Variants in GALNT11 observed in about 807,000 individuals in gnomAD.
GALNT11 encodes UDP-GalNAc:polypeptide N-acetylgalactosaminyltransferase 11.
GALNT11 carries 47 observed loss-of-function variants against 72.7 expected under a neutral mutation model. The observed-to-expected ratio is 0.65, with a 90% confidence interval of 0.51 to 0.82. GALNT11 has a LOEUF of 0.82. Among genes scored for constraint, GALNT11 ranks in the 40% least tolerant of loss-of-function variants. GALNT11 has a pLI of 0.00. For synonymous variants in GALNT11, 270 were observed against 286.6 expected, an observed-to-expected ratio of 0.94 and a Z score of 0.58; for missense variants, 677 against 778.4, an observed-to-expected ratio of 0.87 and a Z score of 1.55.
chr7:152,075,441 T>C (rs1244036321), intron 1 of GALNT11, among the ~76,000 whole-genome samples: 1 of 152,228 alleles, frequency 6.6e-6, no homozygotes, highest in East Asian at 1.9e-4. Context: ...ACCTTTCTTA[T>C]GTATCACCGG....
rs2089452263 is a variant in GALNT11, at chr7:152,121,761, T to G, written c.*84T>G. 6.6e-7 allele frequency: 1 copy of G among 1,524,078 alleles called. No individual in the cohort carries two copies. The highest frequency in any genetic ancestry group is 2.1e-4 in the Middle Eastern group (1 of 4,812). The allele number at this position is 1,524,078 out of a possible 1,614,324, so 94.4% of individuals were successfully genotyped here. A position where few individuals can be genotyped will look rare whatever the true frequency, so the allele number is the denominator to read the frequency against. ...GGGCTTTAGGAAAGCCTGGGTTGGGTGGAGCAGAACCATCTTGGAGAAGAT... is the reference window on the plus strand; with the variant it reads ...GGGCTTTAGGAAAGCCTGGGTTGGGGGGAGCAGAACCATCTTGGAGAAGAT... On this transcript the variant is annotated 3_prime_UTR_variant, in exon 12 of 12. Transcript: ENST00000430044.
rs2086212889 is a variant in GALNT11, at chr7:152,094,048, T to C, written c.-38-142T>C. ...AACCCTTTTTAAAAACTCAGTACTA[T>C]CCATACATCTTCTTGTATTTGAATA... is the stretch of plus-strand genomic sequence containing the variant. On this transcript the variant is annotated intron_variant, in intron 1 of 11. Coordinates refer to ENST00000430044, the MANE Select transcript of GALNT11 (RefSeq NM_022087.4). This position sits in a 1 kb window ranked among gnomAD's most constrained non-coding sequence, Gnocchi z 4.3. The C allele has an allele frequency of 2.9e-6, 2 of 701,604 alleles. No individual in the cohort carries two copies. Among genetic ancestry groups the C allele is most frequent in the Non-Finnish European group, 4.6e-6 (2 of 432,164 alleles). 43.5% of individuals were successfully genotyped at this position (701,604 alleles called of 1,614,324 possible). A position where few individuals can be genotyped will look rare whatever the true frequency, so the allele number is the denominator to read the frequency against.
chr7:152,115,031 G>A (rs1378809057), intron 8 of GALNT11, among the ~76,000 whole-genome samples: 2 of 152,066 alleles, frequency 1.3e-5, no homozygotes, highest in African/African-American at 4.8e-5. Context: ...GGGGCAGTAG[G>A]GACTCCACAG....
At chr7:152,105,749 T>C (rs1033815226) in intron 5 of GALNT11, among the ~76,000 whole-genome samples, 3 of 152,354 alleles carry the variant, frequency 2.0e-5, no homozygotes, top group Admixed American at 6.5e-5. Context: ...AAACTGTCGA[T>C]TGGAACTATG....
intron 1 of GALNT11, among the ~76,000 whole-genome samples, chr7:152,043,743 G>A (rs1255552005): frequency 6.6e-6 from 1 of 152,112 alleles, no homozygotes. Context: ...AATAATGAGG[G>A]GGTACAGAAG....
At chr7:152,032,296 A>C (rs1286583365) in intron 1 of GALNT11, among the ~76,000 whole-genome samples, 1 of 152,182 alleles carries the variant, frequency 6.6e-6, no homozygotes, top group Non-Finnish European at 1.5e-5. Flanking sequence ...GGTCTGTGGG[A>C]TCCTCAAAGG....
Position 152,094,429 on chromosome 7 carries a change from G to A in GALNT11, c.202G>A (p.Glu68Lys), listed in dbSNP as rs746809374. ...RFTRGPSRVL[E>K]PQFKANKIDD... ...CACTCGAGGCCCAAGTCGAGTGCTC[G>A]AGCCACAGTTCAAAGCAAACAAAAT... The change falls in exon 2 of 12, where the codon GAG becomes AAG. Residue 68 changes from glutamate to lysine, a missense_variant. Glu to Lys is a moderately conservative substitution (Grantham distance 56). Transcript: ENST00000430044. This position sits in a 1 kb window ranked among gnomAD's most constrained non-coding sequence, Gnocchi z 4.3. 2.5e-5 allele frequency: 40 copies of A among 1,613,998 alleles called. No individual in the cohort carries two copies. The highest frequency in any genetic ancestry group is 3.2e-5 in the Non-Finnish European group (38 of 1,180,030).
At chr7:152,049,122 G>A (rs1316597184) in intron 1 of GALNT11, among the ~76,000 whole-genome samples, 9 of 152,038 alleles carry the variant, frequency 5.9e-5, no homozygotes, top group Non-Finnish European at 1.2e-4. Flanking sequence ...ATTGGTTGCT[G>A]ATGCCTTATT....
At chr7:152,074,035 G>A (rs1305598656) in intron 1 of GALNT11, among the ~76,000 whole-genome samples, 1 of 151,792 alleles carries the variant, frequency 6.6e-6, no homozygotes, top group African/African-American at 2.4e-5. Context: ...GTTTATTCTG[G>A]GTATTAATCC....
intron 2 of GALNT11, among the ~76,000 whole-genome samples, chr7:152,098,434 AAAT>A (rs2086536421): frequency 6.6e-6 from 1 of 151,946 alleles, no homozygotes; most frequent in East Asian, 1.9e-4. Context: ...CAAAAAAAAT[AAAT>A]AAATAAATAA....
At chr7:152,039,614 A>T (rs926101728) in intron 1 of GALNT11, among the ~76,000 whole-genome samples, 2 of 152,028 alleles carry the variant, frequency 1.3e-5, no homozygotes, top group African/African-American at 4.8e-5. Flanking sequence ...GTTGCTCATG[A>T]CAGTTGGCAT....
At chr7:152,048,791 T>A (rs1482724382) in intron 1 of GALNT11, among the ~76,000 whole-genome samples, 1 of 151,804 alleles carries the variant, frequency 6.6e-6, no homozygotes, top group Non-Finnish European at 1.5e-5. Context: ...GTTTTCTAGA[T>A]CTTGTAGGTG....
chr7:152,111,628 G>GTATATATA (rs139640614), intron 7 of GALNT11, among the ~76,000 whole-genome samples: 48 of 144,868 alleles, frequency 3.3e-4, no homozygotes, highest in African/African-American at 1.2e-3. Context: ...GTGTGTGTGT[G>GTATATATA]TATATATATA....
In GALNT11 at chr7:152,118,672, T is replaced by G. The variant is rs772136717; in HGVS notation, c.1453-6T>G. The G allele has an allele frequency of 3.9e-5, 62 of 1,607,578 alleles. No individual in the cohort carries two copies. The highest frequency in any genetic ancestry group is 5.1e-5 in the Non-Finnish European group (60 of 1,177,256). ...CCCACATTCTGAGCTGTGCCTTCTCTTACAGCTCTATCACCTCCAGACCAA... is the reference window on the plus strand; with the variant it reads ...CCCACATTCTGAGCTGTGCCTTCTCGTACAGCTCTATCACCTCCAGACCAA... On this transcript the variant is annotated splice_region_variant and splice_polypyrimidine_tract_variant and intron_variant, in intron 9 of 11. Coordinates refer to ENST00000430044, the MANE Select transcript of GALNT11 (RefSeq NM_022087.4).
intron 1 of GALNT11, among the ~76,000 whole-genome samples, chr7:152,034,567 C>T (rs2082464568): frequency 6.6e-6 from 1 of 152,090 alleles, no homozygotes; most frequent in East Asian, 1.9e-4. Context: ...GATTGTTTCC[C>T]ATCTGAAAGA....
At chr7:152,098,327 A>C (rs369349938) in intron 2 of GALNT11, among the ~76,000 whole-genome samples, 2 of 152,016 alleles carry the variant, frequency 1.3e-5, no homozygotes, top group East Asian at 1.9e-4. Context: ...AGTCCCAGCT[A>C]CTTATGAGGA....
chr7:152,076,113 G>A (rs1002725442), intron 1 of GALNT11, among the ~76,000 whole-genome samples: 1 of 143,034 alleles, frequency 7.0e-6, no homozygotes, highest in Non-Finnish European at 1.5e-5. Context: ...AAAGTTCATC[G>A]CTTTTTTAAT....
At chr7:152,098,433 T>A (rs144366774) in intron 2 of GALNT11, among the ~76,000 whole-genome samples, 3,662 of 151,564 alleles carry the variant, frequency 0.024, 84 homozygotes, top group East Asian at 0.09. Context: ...TCAAAAAAAA[T>A]AAATAAATAA....
At chr7:152,115,306 G>A (rs932824517) in intron 8 of GALNT11, among the ~76,000 whole-genome samples, 17 of 152,272 alleles carry the variant, frequency 1.1e-4, no homozygotes, top group African/African-American at 3.1e-4. Context: ...AGCATAAATC[G>A]AGGCATCAGC....
Sources: gnomAD v4.1 joint callset for allele counts (sites outside exome capture counted in the v4.1 genomes callset) on GRCh38, gnomAD v4.1.1 for gene constraint, Gnocchi (gnomAD v3.1) non-coding constraint, MANE v1.5 for transcripts, NCBI Gene and HGNC (gene_info 2026-07-23, HGNC 2026-07-21) for gene names.